Variants in SYCP1 observed in about 807,000 individuals in gnomAD.
SYCP1 encodes cancer/testis antigen 8.
SYCP1 carries 64 observed loss-of-function variants against 153.1 expected under a neutral mutation model. The observed-to-expected ratio is 0.42, with a 90% CI of 0.34 to 0.51. The LOEUF is 0.51. Ranked by LOEUF, SYCP1 falls within the 20% of genes least tolerant of loss-of-function variation. The probability of loss-of-function intolerance (pLI) is 0.06; values close to 1 mark genes in which losing one functional copy is unlikely to be tolerated. For missense variants in SYCP1, 997 were observed against 1,049.0 expected, an observed-to-expected ratio of 0.95 and a Z score of 0.68; for synonymous variants, 384 against 341.8, an observed-to-expected ratio of 1.12 and a Z score of -1.36.
intron 16 of SYCP1, among the ~76,000 whole-genome samples, chr1:114,896,674 T>C (rs747173819): frequency 2.0e-5 from 3 of 152,244 alleles, no homozygotes; most frequent in Non-Finnish European, 4.4e-5. Flanking sequence ...GTAACTCTAG[T>C]ACTTAGCACA....
At chr1:114,920,151 G>T (rs933982149) in intron 20 of SYCP1, among the ~76,000 whole-genome samples, 11 of 151,900 alleles carry the variant, frequency 7.2e-5, no homozygotes, top group Non-Finnish European at 1.5e-4. Context: ...TCCTTTTGCT[G>T]TATCCCATAG....
chr1:114,968,045 C>A (rs1672247844), intron 27 of SYCP1, among the ~76,000 whole-genome samples: 1 of 152,192 alleles, frequency 6.6e-6, no homozygotes, highest in Non-Finnish European at 1.5e-5. Context: ...GCAGAGAGAG[C>A]CACTGTTAAT....
intron 27 of SYCP1, among the ~76,000 whole-genome samples, chr1:114,947,729 C>A (rs928180020): frequency 7.7e-6 from 1 of 130,206 alleles, no homozygotes; most frequent in Non-Finnish European, 1.6e-5. Flanking sequence ...AGGAGAATGG[C>A]GTGAACCCGG....
At chr1:114,900,883 A>C (rs944022502) in intron 16 of SYCP1, among the ~76,000 whole-genome samples, 2 of 152,260 alleles carry the variant, frequency 1.3e-5, no homozygotes, top group Non-Finnish European at 2.9e-5. Flanking sequence ...TCTGACCTGC[A>C]TAATTTAGTC....
chr1:114,890,967 T>G (rs115890940), intron 15 of SYCP1, among the ~76,000 whole-genome samples: 1,560 of 152,300 alleles, frequency 0.01, 26 homozygotes, highest in African/African-American at 0.036. Flanking sequence ...AAAATTGTAT[T>G]TGTAAGATTA....
At position 114,887,686 on chromosome 1, in the gene SYCP1, T is replaced by C; in HGVS notation, c.1251T>C (p.Ser417=). Residue 417 remains serine (S), a synonymous_variant, in exon 15 of 32, where the codon AGT becomes AGC. Transcript: ENST00000369522. ...CCATGGAGCTTCAAAAGAAATCAAG[T>C]GAGCTGGGTAAGACTTAGAGAATAA... The part of the protein sequence containing the change: ...ILTMELQKKS[S]ELEEMTKLTN... 9.0e-6 allele frequency: 14 copies of C among 1,546,970 alleles called. No homozygotes were observed. The highest frequency in any genetic ancestry group is 1.2e-5 in the Non-Finnish European group (14 of 1,142,272).
At chr1:114,924,963 G>A (rs1156827356) in intron 21 of SYCP1, among the ~76,000 whole-genome samples, 1 of 152,108 alleles carries the variant, frequency 6.6e-6, no homozygotes, top group Non-Finnish European at 1.5e-5. Flanking sequence ...GCTTACAATA[G>A]ACCAGGTGCA....
rs1344301508 is a variant in SYCP1 at position 114,858,688 on chromosome 1, C to G, written c.433C>G (p.Arg145Gly). 1.9e-6 allele frequency: 3 copies of G among 1,610,202 alleles called. No individual in the cohort carries two copies. The highest frequency in any genetic ancestry group is 2.5e-6 in the Non-Finnish European group (3 of 1,178,574). ...QENRKIIEAQ[R>G]KAIQELQFGN... ...AAACAGAAAGATAATTGAAGCACAG[C>G]GAAAAGCCATTCAGGAACTGCAAGT... The change falls in exon 6 of 32, where the codon CGA becomes GGA. Residue 145 changes from arginine to glycine, a missense_variant. Physicochemically the swap from Arg to Gly is moderately radical, Grantham distance 125. Coordinates refer to ENST00000369522, the MANE Select transcript of SYCP1 (RefSeq NM_003176.4).
chr1:114,876,853 A>G (rs1665574539), intron 11 of SYCP1, 43 bp downstream of exon 11: 2 of 1,143,422 alleles, frequency 1.7e-6, no homozygotes, highest in Admixed American at 3.8e-5. Flanking sequence ...ATATTTGCTA[A>G]TTCATTAAAA....
At chr1:114,945,072 G>T in intron 25 of SYCP1, 90 bp downstream of exon 25, 2 of 960,750 alleles carry the variant, frequency 2.1e-6, no homozygotes, top group Non-Finnish European at 3.0e-6. Context: ...ATTCTTATTT[G>T]TCAGAGAAGA....
At chr1:114,875,898 G>A (rs1055958151) in intron 9 of SYCP1, among the ~76,000 whole-genome samples, 171 bp from the exon 10 acceptor site, 1 of 152,090 alleles carries the variant, frequency 6.6e-6, no homozygotes, top group African/African-American at 2.4e-5. Flanking sequence ...CTAACATAAG[G>A]CCCTCTTAAT....
At chr1:114,937,577 G>A (rs1282415880) in intron 23 of SYCP1, among the ~76,000 whole-genome samples, 1 of 152,088 alleles carries the variant, frequency 6.6e-6, no homozygotes, top group Non-Finnish European at 1.5e-5. Context: ...CTTCTGCACA[G>A]CAAAAGAAAC....
At chr1:114,879,728 CAT>C (rs1307982679) in intron 12 of SYCP1, among the ~76,000 whole-genome samples, 1 of 152,178 alleles carries the variant, frequency 6.6e-6, no homozygotes, top group Non-Finnish European at 1.5e-5. Flanking sequence ...CCTGTAGACT[CAT>C]ACCCACTGAA....
At chr1:114,940,617 T>C (rs1260581592) in intron 23 of SYCP1, among the ~76,000 whole-genome samples, 1 of 152,306 alleles carries the variant, frequency 6.6e-6, no homozygotes, top group South Asian at 2.1e-4. Flanking sequence ...ATAACTGAAT[T>C]GTTACTAGAG....
At chr1:114,958,996 T>G (rs766370857) in intron 27 of SYCP1, among the ~76,000 whole-genome samples, 5 of 151,910 alleles carry the variant, frequency 3.3e-5, no homozygotes, top group Non-Finnish European at 5.9e-5. Flanking sequence ...TATTTGCAGA[T>G]ATTTTCTCTC....
In SYCP1 at chr1:114,984,801, A is replaced by C. The variant is rs1251912710; in HGVS notation, c.2636A>C (p.Lys879Thr). ...ENLNIPIEESKKKRKMAFEFD... is the reference protein window; with the variant it reads ...ENLNIPIEESTKKRKMAFEFD... The stretch of plus-strand genomic sequence containing the variant: ...TTGAATATACCCATTGAAGAAAGTA[A>C]AAAAAAGAGAAAAATGGCCTTTGAA... Residue 879 changes from lysine to threonine, a missense_variant, in exon 30 of 32, where the codon AAA (lysine) becomes ACA (threonine). Physicochemically the swap from Lys to Thr is moderately conservative, Grantham distance 78 (BLOSUM62 -1). Coordinates refer to ENST00000369522, the MANE Select transcript of SYCP1 (RefSeq NM_003176.4). The C allele has an allele frequency of 6.6e-7, 1 of 1,510,158 alleles. No individual in the cohort carries two copies. Among genetic ancestry groups the C allele is most frequent in the Admixed American group, 2.2e-5 (1 of 46,162 alleles). 93.5% of individuals were successfully genotyped at this position (1,510,158 alleles called of 1,614,324 possible).
chr1:114,889,633 T>G (rs532657983), intron 15 of SYCP1, among the ~76,000 whole-genome samples: 56 of 152,298 alleles, frequency 3.7e-4, no homozygotes, highest in African/African-American at 1.3e-3. Flanking sequence ...TTGCAAAAAT[T>G]TTCTCCCATT....
chr1:114,902,619 A>G (rs1667543992), intron 16 of SYCP1, among the ~76,000 whole-genome samples: 1 of 150,470 alleles, frequency 6.6e-6, no homozygotes, highest in Non-Finnish European at 1.5e-5. Flanking sequence ...CCCAGTGGGC[A>G]GGCTTATCGG....
chr1:114,913,904 T>A, intron 19 of SYCP1, 71 bp from the exon 20 acceptor site: 1 of 1,145,874 alleles, frequency 8.7e-7, no homozygotes, highest in South Asian at 1.6e-5. Flanking sequence ...TAGATAAAGG[T>A]CTTAAATAGT....
Sources: allele counts gnomAD v4.1 joint callset (sites outside exome capture counted in the v4.1 genomes callset), GRCh38; gene constraint gnomAD v4.1.1; transcripts MANE v1.5; gene names NCBI Gene and HGNC (gene_info 2026-07-23, HGNC 2026-07-21).